The following TSHZ2 variants were observed in gnomAD, a reference collection of about 807,000 sequenced individuals.
The protein encoded by TSHZ2 is teashirt homolog 2.
TSHZ2 carries 21 observed loss-of-function variants against 74.4 expected under a neutral mutation model. The ratio of observed to expected loss-of-function variants is 0.28; its 90% CI spans 0.20 to 0.41. TSHZ2 has a LOEUF of 0.41. TSHZ2 is among the 10% of genes least tolerant of loss of function. The pLI is 1.00. For synonymous variants in TSHZ2, 540 were observed against 515.3 expected, an observed-to-expected ratio of 1.05 and a Z score of -0.65; for missense variants, 1,244 against 1,293.5, an observed-to-expected ratio of 0.96 and a Z score of 0.59.
chr20:53,057,453 A>G (rs1984677022), intron 1 of TSHZ2, among the ~76,000 whole-genome samples: 1 of 152,166 alleles, frequency 6.6e-6, no homozygotes, highest in Non-Finnish European at 1.5e-5. Context: ...CATACCATAT[A>G]GTAATAAGCC....
Position 53,256,156 on chromosome 20 carries a change from C to T in TSHZ2, c.2698C>T (p.Leu900=). ...CTCAATGACCACTATCAGTCACTGG[C>T]TGGCCAACGTCAAGTACCAGCTTAG... ...GLSMTTISHW[L]ANVKYQLRKT... The change falls in exon 2 of 3, where the codon CTG becomes TTG. Residue 900 remains leucine (L), a synonymous_variant. Coordinates refer to ENST00000371497, the MANE Select transcript of TSHZ2 (RefSeq NM_173485.6). This position sits in a 1 kb window ranked among gnomAD's most constrained non-coding sequence, Gnocchi z 4.3. 6.2e-7 allele frequency: 1 copy of T among 1,613,204 alleles called. No homozygotes were observed.
chr20:53,307,277 C>T (rs1978583981), intron 2 of TSHZ2, among the ~76,000 whole-genome samples: 1 of 151,636 alleles, frequency 6.6e-6, no homozygotes, highest in Non-Finnish European at 1.5e-5. Flanking sequence ...ACTTCCATCC[C>T]ACCATCTGCT....
chr20:53,026,985 T>C (rs530557440), intron 1 of TSHZ2, among the ~76,000 whole-genome samples: 1 of 152,190 alleles, frequency 6.6e-6, no homozygotes, highest in African/African-American at 2.4e-5. Flanking sequence ...ACCCTGTCTT[T>C]ATAAACATAA....
chr20:53,384,918 C>G (rs1485518755), intron 2 of TSHZ2, among the ~76,000 whole-genome samples: 1 of 152,126 alleles, frequency 6.6e-6, no homozygotes, highest in Non-Finnish European at 1.5e-5. Context: ...GTCAGGAGAT[C>G]GAGACCATCC....
chr20:53,269,809 A>AAAG (rs1472612777), intron 2 of TSHZ2, among the ~76,000 whole-genome samples: 29 of 145,498 alleles, frequency 2.0e-4, no homozygotes, highest in African/African-American at 7.5e-4. Context: ...AAAAAAAAAG[A>AAAG]AAAGAAAATC....
At chr20:53,370,317 C>A (rs956715896) in intron 2 of TSHZ2, among the ~76,000 whole-genome samples, 1 of 152,124 alleles carries the variant, frequency 6.6e-6, no homozygotes, top group Admixed American at 6.6e-5. Flanking sequence ...TCTGGGCAGG[C>A]TCTTTGTGAA....
At chr20:53,305,903 G>A (rs897440243) in intron 2 of TSHZ2, among the ~76,000 whole-genome samples, 2 of 152,024 alleles carry the variant, frequency 1.3e-5, no homozygotes, top group African/African-American at 2.4e-5. Context: ...GCTTGAACCC[G>A]GGAGGCGGAG....
intron 2 of TSHZ2, among the ~76,000 whole-genome samples, chr20:53,312,191 A>T (rs377439369): frequency 3.3e-5 from 5 of 152,342 alleles, no homozygotes; most frequent in African/African-American, 1.2e-4. Context: ...AATATGTCTC[A>T]TAGATATATA....
At chr20:53,201,182 A>G (rs577898748) in intron 1 of TSHZ2, among the ~76,000 whole-genome samples, 2 of 152,322 alleles carry the variant, frequency 1.3e-5, no homozygotes, top group East Asian at 3.9e-4. Context: ...TGTAAAGGTT[A>G]TTCATTTTGG....
chr20:53,440,887 A>G (rs1984286383), intron 2 of TSHZ2, among the ~76,000 whole-genome samples: 1 of 152,252 alleles, frequency 6.6e-6, no homozygotes, highest in African/African-American at 2.4e-5. Flanking sequence ...AAAGGCCCTG[A>G]GGCAGGTTTG....
At chr20:53,010,658 G>A (rs779457541) in intron 1 of TSHZ2, among the ~76,000 whole-genome samples, 1 of 152,034 alleles carries the variant, frequency 6.6e-6, no homozygotes, top group Non-Finnish European at 1.5e-5. Context: ...AAAAATGACA[G>A]CTTTACTGCT....
intron 1 of TSHZ2, among the ~76,000 whole-genome samples, chr20:53,084,181 C>A (rs1985621561): frequency 6.6e-6 from 1 of 152,144 alleles, no homozygotes; most frequent in South Asian, 2.1e-4. Context: ...AAAGATTTTT[C>A]ATTCCACTTA....
intron 2 of TSHZ2, among the ~76,000 whole-genome samples, chr20:53,468,060 T>C (rs542432880): frequency 7.9e-5 from 12 of 152,314 alleles, no homozygotes; most frequent in Non-Finnish European, 1.5e-4. Context: ...TACTTAACAC[T>C]GGGCTCCATC....
At position 53,186,053 on chromosome 20, in the gene TSHZ2, C is replaced by T. The variant is rs184689174; in HGVS notation, c.41-67446C>T. On this transcript the variant is annotated intron_variant, in intron 1 of 2. Coordinates refer to ENST00000371497, the MANE Select transcript of TSHZ2 (RefSeq NM_173485.6). ...AACGCTTCCAATGTCTCTCCTTTCT[C>T]ACTATGACTAACATTGATTTGGCTT... 7.9e-5 allele frequency among the ~76,000 whole-genome samples: 12 copies of T among 152,316 alleles called. No homozygotes were observed. The East Asian group carries it at 1.5e-3, about 20-fold the overall frequency.
At chr20:53,396,510 T>G (rs1982452354) in intron 2 of TSHZ2, among the ~76,000 whole-genome samples, 1 of 151,918 alleles carries the variant, frequency 6.6e-6, no homozygotes, top group African/African-American at 2.4e-5. Context: ...GAGACACCAA[T>G]CAAAAGAGAA....
chr20:53,428,029 A>G (rs1272739437), intron 2 of TSHZ2, among the ~76,000 whole-genome samples: 2 of 152,184 alleles, frequency 1.3e-5, no homozygotes, highest in African/African-American at 2.4e-5. Flanking sequence ...TCTACTGATA[A>G]AGGCTTTGTA....
intron 2 of TSHZ2, among the ~76,000 whole-genome samples, chr20:53,459,004 A>G (rs1306317692): frequency 1.3e-5 from 2 of 152,128 alleles, no homozygotes; most frequent in Admixed American, 1.3e-4. Flanking sequence ...ATTTTGGAAT[A>G]GGTGTGGTGC....
rs1204698009 is a variant in TSHZ2 at position 53,058,882 on chromosome 20, T to G, written c.40+85549T>G. On this transcript the variant is annotated intron_variant, in intron 1 of 2. Transcript: ENST00000371497. Reference sequence around the variant, plus strand: ...GTCTTGGAGATGACTTGGGTATTAATACATATATTTCGTTTGTTTGAAATA... The same window carrying G: ...GTCTTGGAGATGACTTGGGTATTAAGACATATATTTCGTTTGTTTGAAATA... 2.0e-5 allele frequency among the ~76,000 whole-genome samples: 3 copies of G among 152,244 alleles called. No individual in the cohort carries two copies. In the East Asian group the frequency reaches 5.8e-4, roughly 29 times the overall value.
At chr20:53,236,235 C>T (rs757483448) in intron 1 of TSHZ2, among the ~76,000 whole-genome samples, 1 of 152,216 alleles carries the variant, frequency 6.6e-6, no homozygotes, top group Non-Finnish European at 1.5e-5. Flanking sequence ...TCTTTATTTA[C>T]AAAGGTTAAG....
Sources: allele counts gnomAD v4.1 joint callset (sites outside exome capture counted in the v4.1 genomes callset), GRCh38; gene constraint gnomAD v4.1.1; non-coding constraint Gnocchi (gnomAD v3.1); transcripts MANE v1.5; gene names NCBI Gene and HGNC (gene_info 2026-07-23, HGNC 2026-07-21).